Variants in KCNJ3 observed in about 807,000 individuals in gnomAD.
The protein encoded by KCNJ3 is potassium inwardly rectifying channel subfamily J member 3, also known as G protein-activated inward rectifier potassium channel 1.
KCNJ3 carries 4 observed loss-of-function variants against 39.2 expected under a neutral mutation model. The observed-to-expected ratio is 0.10, with a 90% CI of 0.05 to 0.23. The LOEUF is 0.23. Ranked by LOEUF, KCNJ3 falls within the 10% of genes least tolerant of loss-of-function variation. The pLI is 1.00. For missense variants in KCNJ3, 276 were observed against 634.9 expected, an observed-to-expected ratio of 0.43 and a Z score of 6.08; for synonymous variants, 230 against 237.4, an observed-to-expected ratio of 0.97 and a Z score of 0.29.
chr2:154,800,251 G>A (rs962622916), intron 2 of KCNJ3, among the ~76,000 whole-genome samples: 2 of 152,114 alleles, frequency 1.3e-5, no homozygotes, highest in Non-Finnish European at 2.9e-5. Flanking sequence ...AATATAGTTT[G>A]GGCTGTTCTG....
At chr2:154,790,258 C>T (rs954395989) in intron 2 of KCNJ3, among the ~76,000 whole-genome samples, 6 of 152,084 alleles carry the variant, frequency 3.9e-5, no homozygotes, top group Non-Finnish European at 7.4e-5. Context: ...ACAGGTGATG[C>T]AGTGATCTAT....
At chr2:154,714,845 C>A (rs1188643410) in intron 2 of KCNJ3, among the ~76,000 whole-genome samples, 1 of 152,110 alleles carries the variant, frequency 6.6e-6, no homozygotes, top group African/African-American at 2.4e-5. Flanking sequence ...TGTATGGATA[C>A]TTATGTAATG....
Position 154,854,915 on chromosome 2 carries a change from C to T in KCNJ3, c.1108C>T (p.Pro370Ser). ...GGAGGAAATGCTTCTCATGTCGTCC[C>T]CTTTAATAGCACCAGCCATAACTAA... ...EQEEMLLMSS[P>S]LIAPAITNSK... Residue 370 changes from proline to serine, a missense_variant, in exon 3 of 3, where the codon CCT becomes TCT. By Grantham distance (74) the Pro-to-Ser change is moderately conservative. Coordinates refer to ENST00000295101, the MANE Select transcript of KCNJ3 (RefSeq NM_002239.4). 6.2e-7 allele frequency: 1 copy of T among 1,613,952 alleles called. No individual in the cohort carries two copies. The highest frequency in any genetic ancestry group is 1.1e-5 in the South Asian group (1 of 91,082).
intron 2 of KCNJ3, among the ~76,000 whole-genome samples, chr2:154,838,242 G>A (rs969961332): frequency 9.9e-5 from 15 of 152,160 alleles, no homozygotes; most frequent in Non-Finnish European, 2.2e-4. Context: ...GACATGCCAG[G>A]CATCAACCAA....
chr2:154,795,833 G>T (rs950390277), intron 2 of KCNJ3, among the ~76,000 whole-genome samples: 1 of 152,052 alleles, frequency 6.6e-6, no homozygotes, highest in Non-Finnish European at 1.5e-5. Context: ...GGAGCCCAAA[G>T]CATCATCACA....
intron 2 of KCNJ3, among the ~76,000 whole-genome samples, chr2:154,759,687 T>G (rs940426311): frequency 6.6e-6 from 1 of 152,158 alleles, no homozygotes; most frequent in Non-Finnish European, 1.5e-5. Flanking sequence ...GTATTGATTT[T>G]TACTTTAATC....
At position 154,857,581 on chromosome 2, in the gene KCNJ3, G is replaced by A. The variant is rs1205140967; in HGVS notation, c.*2268G>A. 1 of 152,084 alleles carries A rather than the reference G, an allele frequency of 6.6e-6. No homozygotes were observed. The highest frequency in any genetic ancestry group is 2.4e-5 in the African/African-American group (1 of 41,390). 9.4% of individuals were successfully genotyped at this position (152,084 alleles called of 1,614,324 possible). ...ACCACTTCAGACAATCAAAGTATCA[G>A]TTAAGAGAATGAAAACAGGCCTGAC... is the stretch of plus-strand genomic sequence containing the variant. On this transcript the variant is annotated 3_prime_UTR_variant, in exon 3 of 3. Coordinates refer to ENST00000295101, the MANE Select transcript of KCNJ3 (RefSeq NM_002239.4).
chr2:154,710,200 C>A (rs1685078456), intron 2 of KCNJ3, among the ~76,000 whole-genome samples: 1 of 151,856 alleles, frequency 6.6e-6, no homozygotes, highest in South Asian at 2.1e-4. Flanking sequence ...CATATTCTGG[C>A]CTTGGGGATG....
intron 2 of KCNJ3, among the ~76,000 whole-genome samples, chr2:154,837,084 T>A (rs190009272): frequency 7.2e-5 from 11 of 152,316 alleles, no homozygotes; most frequent in African/African-American, 2.6e-4. Flanking sequence ...TGTAAGTGTA[T>A]CAAAATGTCC....
rs115475179 is a variant in KCNJ3, at chr2:154,763,033, C to T, written c.919+53214C>T. 9.5e-3 allele frequency among the ~76,000 whole-genome samples: 1,451 copies of T among 152,238 alleles called. 8 individuals are homozygous for T. Among genetic ancestry groups the T allele is most frequent in the African/African-American group, 0.015 (606 of 41,554 alleles). Reference sequence around the variant, plus strand: ...CAAGCCTCAGTTTCTTCATCTGTAACGTGACAACTGCAACTGTTGTGATGA... The same window carrying T: ...CAAGCCTCAGTTTCTTCATCTGTAATGTGACAACTGCAACTGTTGTGATGA... On this transcript the variant is annotated intron_variant, in intron 2 of 2. Transcript: ENST00000295101.
At chr2:154,798,959 G>A (rs1686764385) in intron 2 of KCNJ3, among the ~76,000 whole-genome samples, 1 of 151,730 alleles carries the variant, frequency 6.6e-6, no homozygotes, top group Non-Finnish European at 1.5e-5. Flanking sequence ...CATGTGGTAT[G>A]TGTATGTGGT....
At chr2:154,760,726 CTTTTTTTTCTTTTTTTTT>C (rs1686023702) in intron 2 of KCNJ3, among the ~76,000 whole-genome samples, 1 of 116,928 alleles carries the variant, frequency 8.6e-6, no homozygotes, top group Non-Finnish European at 1.8e-5. Context: ...CTATTTTTTT[CTTTTTTTTCTTTTTTTTT>C]TTTTTTTTTT....
At chr2:154,778,518 T>C (rs1457787935) in intron 2 of KCNJ3, among the ~76,000 whole-genome samples, 1 of 152,128 alleles carries the variant, frequency 6.6e-6, no homozygotes, top group African/African-American at 2.4e-5. Context: ...TTATTTATAA[T>C]GATTGAAAAC....
chr2:154,760,737 T>TC (rs796632270), intron 2 of KCNJ3, among the ~76,000 whole-genome samples: 2,343 of 140,334 alleles, frequency 0.017, 63 homozygotes, highest in East Asian at 0.1. Flanking sequence ...TTTTTTTTCT[T>TC]TTTTTTTTTT....
chr2:154,807,768 G>T (rs562845500), intron 2 of KCNJ3, among the ~76,000 whole-genome samples: 1 of 152,196 alleles, frequency 6.6e-6, no homozygotes. Flanking sequence ...AGATCTAAGA[G>T]TTGTTTAAAT....
chr2:154,805,722 T>C (rs1574469146), intron 2 of KCNJ3, among the ~76,000 whole-genome samples: 1 of 152,288 alleles, frequency 6.6e-6, no homozygotes, highest in South Asian at 2.1e-4. Context: ...ATTAAATCTC[T>C]AGTTTAAGAA....
At chr2:154,821,063 T>A (rs1687163962) in intron 2 of KCNJ3, among the ~76,000 whole-genome samples, 2 of 152,086 alleles carry the variant, frequency 1.3e-5, no homozygotes, top group Non-Finnish European at 2.9e-5. Context: ...TTAATTATAC[T>A]CATTATTCTT....
At chr2:154,824,438 C>T (rs186779155) in intron 2 of KCNJ3, among the ~76,000 whole-genome samples, 1 of 152,234 alleles carries the variant, frequency 6.6e-6, no homozygotes, top group East Asian at 1.9e-4. Flanking sequence ...ACACCAGTCT[C>T]CTTAAATATT....
intron 2 of KCNJ3, among the ~76,000 whole-genome samples, chr2:154,755,350 T>A (rs957449917): frequency 3.3e-5 from 5 of 152,048 alleles, no homozygotes. Context: ...AAATTCAAAA[T>A]ATGAGTATTC....
Sources: allele counts gnomAD v4.1 joint callset (sites outside exome capture counted in the v4.1 genomes callset), GRCh38; gene constraint gnomAD v4.1.1; transcripts MANE v1.5; gene names NCBI Gene and HGNC (gene_info 2026-07-23, HGNC 2026-07-21).